The following PCDHGA1 variants were observed in gnomAD, a reference collection of about 807,000 sequenced individuals.
PCDHGA1 encodes protocadherin gamma-A1.
PCDHGA1 carries 32 observed loss-of-function variants against 58.0 expected under a neutral mutation model. The observed-to-expected ratio is 0.55, with a 90% CI of 0.42 to 0.74. PCDHGA1 has a LOEUF of 0.74. Ranked by LOEUF, PCDHGA1 falls within the 30% of genes least tolerant of loss-of-function variation. The pLI is 0.00. For missense variants in PCDHGA1, 1,205 were observed against 1,182.3 expected (o/e 1.02, Z -0.28); for synonymous variants, 498 against 501.1 (o/e 0.99, Z 0.08).
rs1310685846 is a variant in PCDHGA1, at chr5:141,423,037, T to C, written c.2422-71770T>C. ...GGACAAAGATTCAGGCCAGAACGCCTGGCTGTCCTATCGCCTGCTTAAGGC... is the reference window on the plus strand; with the variant it reads ...GGACAAAGATTCAGGCCAGAACGCCCGGCTGTCCTATCGCCTGCTTAAGGC... On this transcript the variant is annotated intron_variant, in intron 1 of 3. Transcript: ENST00000517417. 5 of 1,614,086 alleles carry C rather than the reference T, an allele frequency of 3.1e-6. No homozygotes were observed. In the African/African-American group the frequency reaches 5.3e-5, roughly 17 times the overall value.
chr5:141,345,044 T>C lies in PCDHGA1; in HGVS notation c.2421+11939T>C, dbSNP rs1757511467. On this transcript the variant is annotated intron_variant, in intron 1 of 3. Transcript: ENST00000517417. ...CAAGAGCCAAGATTCTAGTCACGGT[T>C]CTGGATGTGAATGACAATGCTCCAG... 3.7e-6 allele frequency: 6 copies of C among 1,613,730 alleles called. No homozygotes were observed. In the East Asian group the frequency reaches 1.3e-4, roughly 36 times the overall value.
chr5:141,464,898 C>T (rs969877255), intron 1 of PCDHGA1, among the ~76,000 whole-genome samples: 4 of 151,958 alleles, frequency 2.6e-5, no homozygotes, highest in African/African-American at 4.8e-5. Flanking sequence ...GCCACCATGT[C>T]CAGCTAATTT....
chr5:141,504,765 C>T lies in PCDHGA1; in HGVS notation c.2481-628C>T, dbSNP rs548234873. ...ATTGAATTTTAGAAATTTCTTCTCC[C>T]TGCTCCAGGGTCTCTTGGGGCCTCC... On this transcript the variant is annotated intron_variant, in intron 2 of 3. Transcript: ENST00000517417. Among the ~76,000 whole-genome samples, 4 of 152,156 alleles carry T rather than the reference C, an allele frequency of 2.6e-5. No homozygotes were observed. The South Asian group carries it at 8.3e-4, about 32-fold the overall frequency.
rs201006002 is a variant in PCDHGA1, at chr5:141,432,497, C to G, written c.2422-62310C>G. Reference sequence around the variant, plus strand: ...TTCCACTGGCGTGGAGCTGGCTCCCCGCTCCGCAGAGCCCGGCTACCTGGT... The same window carrying G: ...TTCCACTGGCGTGGAGCTGGCTCCCGGCTCCGCAGAGCCCGGCTACCTGGT... On this transcript the variant is annotated intron_variant, in intron 1 of 3. Transcript: ENST00000517417. This position sits in a 1 kb window ranked among gnomAD's most constrained non-coding sequence, Gnocchi z 6.0. The G allele has an allele frequency of 1.1e-5, 18 of 1,614,182 alleles. No homozygotes were observed. In the East Asian group the frequency reaches 4.0e-4, roughly 36 times the overall value.
Position 141,361,312 on chromosome 5 carries a change from A to G in PCDHGA1, c.2421+28207A>G, listed in dbSNP as rs1761969172. ...CCAAGTGTTGGGAAATGCCAAGTTTATTTTGAAATCTTCCTCAAAGAACTA... is the reference window on the plus strand; with the variant it reads ...CCAAGTGTTGGGAAATGCCAAGTTTGTTTTGAAATCTTCCTCAAAGAACTA... On this transcript the variant is annotated intron_variant, in intron 1 of 3. Coordinates refer to ENST00000517417, the MANE Select transcript of PCDHGA1 (RefSeq NM_018912.3). 5.0e-6 allele frequency: 8 copies of G among 1,613,984 alleles called. No individual in the cohort carries two copies. In the South Asian group the frequency reaches 7.7e-5, roughly 16 times the overall value.
chr5:141,393,085 ATCGGGAGGAGC>A (rs2092673421), intron 1 of PCDHGA1: 1 of 1,613,542 alleles, frequency 6.2e-7, no homozygotes, highest in African/African-American at 1.3e-5. Flanking sequence ...GGCAGGATAG[ATCGGGAGGAGC>A]TCTGCGCTCA....
Position 141,375,902 on chromosome 5 carries a change from C to A in PCDHGA1, c.2421+42797C>A. The stretch of plus-strand genomic sequence containing the variant: ...GGGCCAGAACGCCTGGCTGTCCTAC[C>A]GCCTGCTCAAGGCCAGCGAGCCAGG... On this transcript the variant is annotated intron_variant, in intron 1 of 3. Coordinates refer to ENST00000517417, the MANE Select transcript of PCDHGA1 (RefSeq NM_018912.3). 5 of 1,613,784 alleles carry A rather than the reference C, an allele frequency of 3.1e-6. No individual in the cohort carries two copies. The Admixed American group carries it at 5.0e-5, about 16-fold the overall frequency.
At chr5:141,413,858 G>A (rs751172785) in intron 1 of PCDHGA1, 28 of 1,613,140 alleles carry the variant, frequency 1.7e-5, no homozygotes, top group African/African-American at 4.0e-5. Context: ...CTCCGATCTG[G>A]CACTGTCCTT....
intron 1 of PCDHGA1, among the ~76,000 whole-genome samples, chr5:141,488,554 T>C (rs1313975033): frequency 6.6e-6 from 1 of 152,064 alleles, no homozygotes; most frequent in African/African-American, 2.4e-5. Context: ...CAGCTGACAT[T>C]GAGATTTCCG....
rs752145084 is a variant in PCDHGA1 at position 141,489,550 on chromosome 5, C to T, written c.2422-5257C>T. On this transcript the variant is annotated intron_variant, in intron 1 of 3. Coordinates refer to ENST00000517417, the MANE Select transcript of PCDHGA1 (RefSeq NM_018912.3). This position sits in a 1 kb window ranked among gnomAD's most constrained non-coding sequence, Gnocchi z 4.5. ...ATGTGGAGCCAGCACCAGCTGCCTGCTGCCAGTGCAGGTGGTGACTGAACA... is the reference window on the plus strand; with the variant it reads ...ATGTGGAGCCAGCACCAGCTGCCTGTTGCCAGTGCAGGTGGTGACTGAACA... The T allele has an allele frequency of 1.2e-6, 2 of 1,614,132 alleles. No homozygotes were observed. The highest frequency in any genetic ancestry group is 1.7e-5 in the Admixed American group (1 of 60,030).
chr5:141,501,237 A>G (rs1327502244), intron 2 of PCDHGA1, among the ~76,000 whole-genome samples: 1 of 150,372 alleles, frequency 6.7e-6, no homozygotes, highest in Non-Finnish European at 1.5e-5. Flanking sequence ...CAGTTTTTTG[A>G]GCATGATGTA....
At position 141,431,848 on chromosome 5, in the gene PCDHGA1, G is replaced by A. The variant is rs747401379; in HGVS notation, c.2422-62959G>A. 11 of 1,614,142 alleles carry A rather than the reference G, an allele frequency of 6.8e-6. No homozygotes were observed. The highest frequency in any genetic ancestry group is 2.2e-5 in the East Asian group (1 of 44,906). On this transcript the variant is annotated intron_variant, in intron 1 of 3. Coordinates refer to ENST00000517417, the MANE Select transcript of PCDHGA1 (RefSeq NM_018912.3). The surrounding 1 kb of genome is among the most constrained non-coding windows in gnomAD (Gnocchi z 4.8). ...CGGTTCCCGAAAACTCTCCCAGAGGGACATTAATTGCCCTTTTAAATGTAA... is the reference window on the plus strand; with the variant it reads ...CGGTTCCCGAAAACTCTCCCAGAGGAACATTAATTGCCCTTTTAAATGTAA...
intron 1 of PCDHGA1, chr5:141,333,516 C>A (rs1756471355): frequency 3.8e-6 from 1 of 263,676 alleles, no homozygotes; most frequent in Non-Finnish European, 7.1e-6. Context: ...TGCTAATCTA[C>A]CCCTGAATTT....
chr5:141,450,556 G>A lies in PCDHGA1; in HGVS notation c.2422-44251G>A, dbSNP rs534127421. Among the ~76,000 whole-genome samples, 5 of 151,822 alleles carry A rather than the reference G, an allele frequency of 3.3e-5. 1 individual carries two copies. Among genetic ancestry groups the A allele is most frequent in the South Asian group, 2.1e-4 (1 of 4,804 alleles). On this transcript the variant is annotated intron_variant, in intron 1 of 3. Transcript: ENST00000517417. ...GGCTGGAATGCAGTGGCGCAGTCTCGGCTCACTGCAACTTCTGCCTCCCAG... is the reference window on the plus strand; with the variant it reads ...GGCTGGAATGCAGTGGCGCAGTCTCAGCTCACTGCAACTTCTGCCTCCCAG...
chr5:141,371,207 G>A, intron 1 of PCDHGA1: 1 of 1,613,764 alleles, frequency 6.2e-7, no homozygotes, highest in African/African-American at 1.3e-5. Context: ...ACATGGATGA[G>A]GGCATCAATG....
In PCDHGA1 at chr5:141,393,130, T is replaced by C. The variant is rs752035971; in HGVS notation, c.2421+60025T>C. 19 of 1,613,248 alleles carry C rather than the reference T, an allele frequency of 1.2e-5. No individual in the cohort carries two copies. In the Admixed American group the frequency reaches 2.7e-4, roughly 23 times the overall value. On this transcript the variant is annotated intron_variant, in intron 1 of 3. Transcript: ENST00000517417. ...CAGAGCCCGCGGTGTCTGATAAATA[T>C]TAACACCCTGGTTGAGGATAAAGGA...
At chr5:141,446,642 A>T (rs939365233) in intron 1 of PCDHGA1, among the ~76,000 whole-genome samples, 2 of 151,970 alleles carry the variant, frequency 1.3e-5, no homozygotes, top group Admixed American at 1.3e-4. Flanking sequence ...ACGCCTGGCT[A>T]ATTTTTGTAT....
intron 1 of PCDHGA1, chr5:141,374,909 G>A (rs1357561534): frequency 6.2e-7 from 1 of 1,613,824 alleles, no homozygotes; most frequent in East Asian, 2.2e-5. Flanking sequence ...AGTCCACGGG[G>A]AAGTAACTTA....
At chr5:141,466,549 T>C (rs778708029) in intron 1 of PCDHGA1, among the ~76,000 whole-genome samples, 2 of 152,244 alleles carry the variant, frequency 1.3e-5, no homozygotes, top group African/African-American at 2.4e-5. Flanking sequence ...GGTCTTTTGC[T>C]GTGGGCTTCA....
Sources: gnomAD v4.1 joint callset for allele counts (sites outside exome capture counted in the v4.1 genomes callset) on GRCh38, gnomAD v4.1.1 for gene constraint, Gnocchi (gnomAD v3.1) non-coding constraint, MANE v1.5 for transcripts, NCBI Gene and HGNC (gene_info 2026-07-23, HGNC 2026-07-21) for gene names.